Variants in OAS1 observed in about 807,000 individuals in gnomAD.
OAS1 encodes 2'-5'-oligoadenylate synthase 1.
OAS1 carries 24 observed loss-of-function variants against 38.5 expected under a neutral mutation model. The observed-to-expected ratio is 0.62, with a 90% CI of 0.45 to 0.88. OAS1 has a LOEUF of 0.88. Among genes scored for constraint, OAS1 ranks in the 40% least tolerant of loss-of-function variants. OAS1 has a pLI of 0.00. For synonymous variants in OAS1, 169 were observed against 193.9 expected, an observed-to-expected ratio of 0.87 and a Z score of 1.07; for missense variants, 482 against 493.9, an observed-to-expected ratio of 0.98 and a Z score of 0.23.
chr12:112,916,432 ATT>A, intron 3 of OAS1, 75 bp from the exon 4 acceptor site: 13 of 1,067,434 alleles, frequency 1.2e-5, no homozygotes, highest in Non-Finnish European at 1.9e-5. Context: ...GGCAGGCTGG[ATT>A]TGGCCCATGA....
In OAS1 at chr12:112,916,562, G is replaced by T; in HGVS notation, c.708G>T (p.Thr236=). 6.2e-7 allele frequency: 1 copy of T among 1,614,064 alleles called. No homozygotes were observed. Among genetic ancestry groups the T allele is most frequent in the Non-Finnish European group, 8.5e-7 (1 of 1,180,020 alleles). The change falls in exon 4 of 6, where the codon ACG becomes ACT. Residue 236 remains threonine (T), a synonymous_variant. Coordinates refer to ENST00000202917, the MANE Select transcript of OAS1 (RefSeq NM_016816.4). ...CTCAGTATGCCCTGGAGCTCCTGAC[G>T]GTCTATGCTTGGGAGCGAGGGAGCA... ...LPPQYALELL[T]VYAWERGSMK... is the part of the protein sequence containing the mutation.
chr12:112,907,386 C>T (rs1331969958), intron 1 of OAS1, among the ~76,000 whole-genome samples, 167 bp downstream of exon 1: 3 of 152,200 alleles, frequency 2.0e-5, no homozygotes, highest in African/African-American at 7.2e-5. Context: ...TTTATCCACA[C>T]AGCATGTTAA....
chr12:112,916,744 C>G lies in OAS1; in HGVS notation c.884+6C>G. On this transcript the variant is annotated splice_donor_region_variant and intron_variant, in intron 4 of 5. Coordinates refer to ENST00000202917, the MANE Select transcript of OAS1 (RefSeq NM_016816.4). ...AGGCAGCTCACGAAACCCAGGTATGCTATCCCCACATGGCTTAGCTCCCCT... is the reference window on the plus strand; with the variant it reads ...AGGCAGCTCACGAAACCCAGGTATGGTATCCCCACATGGCTTAGCTCCCCT... 1 of 1,601,484 alleles carries G rather than the reference C, an allele frequency of 6.2e-7. No individual in the cohort carries two copies. The highest frequency in any genetic ancestry group is 8.6e-7 in the Non-Finnish European group (1 of 1,168,600).
At position 112,910,278 on chromosome 12, in the gene OAS1, G is replaced by A. The variant is rs753207741; in HGVS notation, c.470-773G>A. On this transcript the variant is annotated intron_variant, in intron 2 of 5. Coordinates refer to ENST00000202917, the MANE Select transcript of OAS1 (RefSeq NM_016816.4). ...AGCTACTCGGGAGGCTGAGGCAGGA[G>A]AATTGCTTGAACCCAGGAGATGGAG... is the stretch of plus-strand genomic sequence containing the variant. Among the ~76,000 whole-genome samples, 17 of 152,086 alleles carry A rather than the reference G, an allele frequency of 1.1e-4. 1 individual carries two copies. The highest frequency in any genetic ancestry group is 2.5e-4 in the Non-Finnish European group (17 of 68,016).
At chr12:112,927,720 A>T (rs565214215) in intron 6 of OAS1, among the ~76,000 whole-genome samples, 1 of 152,156 alleles carries the variant, frequency 6.6e-6, no homozygotes, top group Non-Finnish European at 1.5e-5. Flanking sequence ...ATGCAATATA[A>T]GTGTCTTTTT....
Position 112,919,707 on chromosome 12 carries a change from A to G in OAS1, c.*154A>G, listed in dbSNP as rs765057420. 21 of 1,535,816 alleles carry G rather than the reference A, an allele frequency of 1.4e-5. 1 individual carries two copies. The South Asian group carries it at 2.6e-4, about 19-fold the overall frequency. ...CAGGTCTCCTGACTCCTGGCCTTCTATGCCCTCTATCCTATCATAGATAAC... is the reference window on the plus strand; with the variant it reads ...CAGGTCTCCTGACTCCTGGCCTTCTGTGCCCTCTATCCTATCATAGATAAC... On this transcript the variant is annotated 3_prime_UTR_variant, in exon 6 of 6. Coordinates refer to ENST00000202917, the MANE Select transcript of OAS1 (RefSeq NM_016816.4).
chr12:112,916,246 G>C (rs1209052943), intron 3 of OAS1, among the ~76,000 whole-genome samples: 1 of 152,024 alleles, frequency 6.6e-6, no homozygotes, highest in Admixed American at 6.6e-5. Flanking sequence ...CTTAACAAGG[G>C]GCCAGTACAC....
Position 112,907,224 on chromosome 12 carries a change from G to A in OAS1, c.180+5G>A. ...TGTGTGTCCAAGGTGGTAAAGGTGA[G>A]TCCAGGCCTGCCTGGCCAGGGGAGG... is the stretch of plus-strand genomic sequence containing the variant. On this transcript the variant is annotated splice_donor_5th_base_variant and intron_variant, in intron 1 of 5. Transcript: ENST00000202917. The A allele has an allele frequency of 6.2e-7, 1 of 1,613,170 alleles. No homozygotes were observed. The highest frequency in any genetic ancestry group is 1.1e-5 in the South Asian group (1 of 91,072).
At chr12:112,910,612 G>A (rs1310323760) in intron 2 of OAS1, among the ~76,000 whole-genome samples, 1 of 152,086 alleles carries the variant, frequency 6.6e-6, no homozygotes, top group Non-Finnish European at 1.5e-5. Context: ...ATTTGAGGAA[G>A]AGAGAAAAAG....
Position 112,916,622 on chromosome 12 carries a change from G to A in OAS1, c.768G>A (p.Arg256=), listed in dbSNP as rs142815104. The change falls in exon 4 of 6, where the codon CGG becomes CGA. Residue 256 remains arginine, a synonymous_variant. Coordinates refer to ENST00000202917, the MANE Select transcript of OAS1 (RefSeq NM_016816.4). ...KTHFNTAQGF[R]TVLELVINYQ... is the part of the protein sequence containing the mutation. ...ATTTCAACACAGCCCAGGGATTTCG[G>A]ACGGTCTTGGAATTAGTCATAAACT... 6.2e-7 allele frequency: 1 copy of A among 1,614,034 alleles called. No homozygotes were observed. The highest frequency in any genetic ancestry group is 1.3e-5 in the African/African-American group (1 of 74,920).
intron 6 of OAS1, among the ~76,000 whole-genome samples, chr12:112,926,234 G>A (rs1270883444): frequency 6.6e-6 from 1 of 152,032 alleles, no homozygotes; most frequent in Non-Finnish European, 1.5e-5. Flanking sequence ...CATTCCTTCT[G>A]CCTCCACCTC....
intron 5 of OAS1, 86 bp downstream of exon 5, chr12:112,917,786 A>G: frequency 3.1e-6 from 5 of 1,613,902 alleles, no homozygotes; most frequent in Non-Finnish European, 4.2e-6. Flanking sequence ...ATTCTTTCCA[A>G]AGAACTTACC....
At chr12:112,911,549 C>T (rs901510598) in intron 3 of OAS1, among the ~76,000 whole-genome samples, 1 of 152,132 alleles carries the variant, frequency 6.6e-6, no homozygotes, top group East Asian at 1.9e-4. Context: ...ATGCTACATA[C>T]ACACACGCAC....
In OAS1 at chr12:112,911,096, A is replaced by G. The variant is rs1054925988; in HGVS notation, c.515A>G (p.Lys172Arg). 5 of 1,614,048 alleles carry G rather than the reference A, an allele frequency of 3.1e-6. No homozygotes were observed. Among genetic ancestry groups the G allele is most frequent in the South Asian group, 1.1e-5 (1 of 91,068 alleles). ...GYKPNPQIYV[K>R]LIEECTDLQK... ...AAACCTAACCCCCAAATCTATGTCA[A>G]GCTCATCGAGGAGTGCACCGACCTG... The change falls in exon 3 of 6, where the codon AAG (lysine) becomes AGG (arginine). Residue 172 changes from lysine (K) to arginine (R), a missense_variant. By Grantham distance (26) the Lys-to-Arg change is conservative (BLOSUM62 2). Coordinates refer to ENST00000202917, the MANE Select transcript of OAS1 (RefSeq NM_016816.4).
chr12:112,916,441 A>G (rs575533588), intron 3 of OAS1, 68 bp from the exon 4 acceptor site: 2 of 1,217,514 alleles, frequency 1.6e-6, no homozygotes, highest in Admixed American at 3.7e-5. Flanking sequence ...GATTTGGCCC[A>G]TGAGAAGTGT....
chr12:112,917,545 A>G lies in OAS1; in HGVS notation c.885-2A>G, dbSNP rs200651660. On this transcript the variant is annotated splice_acceptor_variant, in intron 4 of 5. Transcript: ENST00000202917. LOFTEE classifies it high-confidence loss of function. ...TGTCCCTCTCTAAATGCTGCTCTGCAGGCCTGTGATCCTGGACCCGGCGGA... is the reference window on the plus strand; with the variant it reads ...TGTCCCTCTCTAAATGCTGCTCTGCGGGCCTGTGATCCTGGACCCGGCGGA... 1 of 1,614,066 alleles carries G rather than the reference A, an allele frequency of 6.2e-7. No homozygotes were observed. Among genetic ancestry groups the G allele is most frequent in the African/African-American group, 1.3e-5 (1 of 75,038 alleles).
intron 6 of OAS1, among the ~76,000 whole-genome samples, chr12:112,929,488 C>A (rs1188140545): frequency 6.6e-6 from 1 of 152,152 alleles, no homozygotes; most frequent in African/African-American, 2.4e-5. Context: ...GAGTTTGTTG[C>A]ATATTCTGTT....
chr12:112,907,362 A>C lies in OAS1; in HGVS notation c.180+143A>C, dbSNP rs7956880. The C allele has an allele frequency of 0.81, 565,860 of 696,950 alleles. 231,987 individuals carry two copies. Among genetic ancestry groups the C allele is most frequent in the East Asian group, 0.99 (36,771 of 37,238 alleles). The allele number at this position is 696,950 out of a possible 1,614,324, so 43.2% of individuals were successfully genotyped here. On this transcript the variant is annotated intron_variant, in intron 1 of 5. Coordinates refer to ENST00000202917, the MANE Select transcript of OAS1 (RefSeq NM_016816.4). ...GTACAGAGAGCTGAGATCTTCTGGG[A>C]TGGTGGTTTCTTATTTATCCACACA...
intron 2 of OAS1, chr12:112,909,037 TC>T: frequency 4.1e-6 from 2 of 490,704 alleles, no homozygotes; most frequent in East Asian, 6.4e-5. Flanking sequence ...CAAAGACATT[TC>T]TTACAGAACA....
Sources: allele counts gnomAD v4.1 joint callset (sites outside exome capture counted in the v4.1 genomes callset), GRCh38; gene constraint gnomAD v4.1.1; transcripts MANE v1.5; gene names NCBI Gene and HGNC (gene_info 2026-07-23, HGNC 2026-07-21).